KIFC3: variants seen among roughly 807,000 people sequenced by gnomAD.
KIFC3 encodes kinesin family member C3.
KIFC3 carries 60 observed loss-of-function variants against 101.8 expected under a neutral mutation model. The observed-to-expected ratio is 0.59, with a 90% CI of 0.48 to 0.73. The LOEUF is 0.73. Among genes scored for constraint, KIFC3 ranks in the 30% least tolerant of loss-of-function variants. The pLI, the probability that KIFC3 is intolerant of heterozygous loss-of-function variation, is 0.00. For missense variants in KIFC3, 966 were observed against 1,137.1 expected (o/e 0.85, Z 2.16); for synonymous variants, 476 against 482.7 (o/e 0.99, Z 0.18).
intron 1 of KIFC3, among the ~76,000 whole-genome samples, chr16:57,840,404 G>A (rs1257967478): frequency 2.0e-5 from 3 of 151,954 alleles, no homozygotes; most frequent in Admixed American, 2.0e-4. Context: ...TACTAGGAAG[G>A]ATCCTTGAGC....
intron 1 of KIFC3, among the ~76,000 whole-genome samples, chr16:57,850,666 G>C (rs769946798): frequency 4.0e-5 from 6 of 151,586 alleles, no homozygotes; most frequent in Non-Finnish European, 8.8e-5. Flanking sequence ...AGTACAGATG[G>C]GGTCTTGCCA....
intron 1 of KIFC3, among the ~76,000 whole-genome samples, chr16:57,821,422 C>T (rs1555629892): frequency 6.6e-6 from 1 of 152,218 alleles, no homozygotes; most frequent in Admixed American, 6.5e-5. Context: ...GCTTTAGCTA[C>T]AGCTACCACC....
At chr16:57,812,651 G>A (rs565143539) in intron 1 of KIFC3, among the ~76,000 whole-genome samples, 1 of 152,354 alleles carries the variant, frequency 6.6e-6, no homozygotes, top group African/African-American at 2.4e-5. Context: ...AACGGCTGGA[G>A]GTGGAGCGGG....
chr16:57,761,046 G>C lies in KIFC3; in HGVS notation c.1998C>G (p.Thr666=), dbSNP rs1383617170. 1 of 1,608,396 alleles carries C rather than the reference G, an allele frequency of 6.2e-7. No homozygotes were observed. Among genetic ancestry groups the C allele is most frequent in the African/African-American group, 1.3e-5 (1 of 74,856 alleles). Residue 666 remains threonine (T), a synonymous_variant, in exon 15 of 20, where the codon ACC becomes ACG. Transcript: ENST00000445690. ...CAGGCTGCCTGCCACTCTCACCCGT[G>C]GTGCGGAGGCCTGTGCTGCAGTCCA... ...RGVDCSTGLR[T]TGKLNLVDLA...
chr16:57,790,047 GCTTT>G (rs2053718961), intron 3 of KIFC3, among the ~76,000 whole-genome samples: 3 of 109,066 alleles, frequency 2.8e-5, no homozygotes, highest in Non-Finnish European at 6.1e-5. Context: ...ATTTTTTTTT[GCTTT>G]CTTTTTCTTT....
In KIFC3 at chr16:57,771,201, G is replaced by A; in HGVS notation, c.762C>T (p.Val254=). The A allele has an allele frequency of 6.2e-7, 1 of 1,612,306 alleles. No homozygotes were observed. Among genetic ancestry groups the A allele is most frequent in the Non-Finnish European group, 8.5e-7 (1 of 1,179,898 alleles). The change falls in exon 6 of 20, where the codon GTC becomes GTT. Residue 254 remains valine, a synonymous_variant. Coordinates refer to ENST00000445690, the MANE Select transcript of KIFC3 (RefSeq NM_001130100.2). ...GATCAGGTGGGCCAGGGCTCACCTT[G>A]ACAGGTGGGGACTGGGCCCGCAGGC... ...IASLRAQSPP[V]KYVIKTVEVE...
intron 3 of KIFC3, chr16:57,775,933 C>T (rs2052004131): frequency 1.0e-6 from 1 of 985,498 alleles, no homozygotes; most frequent in Non-Finnish European, 1.2e-6. Flanking sequence ...CAGGGGGCGT[C>T]ACCCTGCCTG....
At chr16:57,788,502 C>A in intron 3 of KIFC3, 2 of 1,217,116 alleles carry the variant, frequency 1.6e-6, no homozygotes, top group Non-Finnish European at 2.1e-6. Flanking sequence ...GGGATATCAC[C>A]AACTGCACAA....
At chr16:57,802,996 C>A, upstream of KIFC3, 1 of 1,535,902 alleles carries the variant, frequency 6.5e-7, no homozygotes, top group Non-Finnish European at 8.7e-7. The surrounding 1 kb of genome is among the most constrained non-coding windows in gnomAD (Gnocchi z 5.0). Flanking sequence ...CGTGTCCTTG[C>A]ACGCGCTGGC....
chr16:57,827,701 G>A (rs538718562), intron 1 of KIFC3, among the ~76,000 whole-genome samples: 20 of 152,252 alleles, frequency 1.3e-4, no homozygotes, highest in African/African-American at 4.3e-4. Context: ...TCCCTGGGCT[G>A]CACTCCACAA....
At chr16:57,787,545 G>A (rs1253513569) in intron 3 of KIFC3, among the ~76,000 whole-genome samples, 2 of 152,230 alleles carry the variant, frequency 1.3e-5, no homozygotes, top group Non-Finnish European at 2.9e-5. Context: ...AGGGGAGGAC[G>A]GGAGGACAAG....
At chr16:57,849,649 T>C (rs1182109403) in intron 1 of KIFC3, among the ~76,000 whole-genome samples, 3 of 152,144 alleles carry the variant, frequency 2.0e-5, no homozygotes, top group Admixed American at 6.5e-5. Flanking sequence ...ATGCCTGTAA[T>C]TCCAGCACTT....
At chr16:57,787,135 T>G (rs1187588166) in intron 3 of KIFC3, among the ~76,000 whole-genome samples, 2 of 152,218 alleles carry the variant, frequency 1.3e-5, no homozygotes, top group Non-Finnish European at 2.9e-5. Flanking sequence ...CGGGGCAGCA[T>G]GAGCAGCACG....
At chr16:57,788,615 C>T (rs1246753247) in intron 3 of KIFC3, 1 of 1,289,418 alleles carries the variant, frequency 7.8e-7, no homozygotes, top group Non-Finnish European at 1.0e-6. Flanking sequence ...CTTCCCGGGC[C>T]TCCCGGGCCC....
At chr16:57,816,537 C>T (rs530582758) in intron 1 of KIFC3, 64 of 456,672 alleles carry the variant, frequency 1.4e-4, no homozygotes, top group Admixed American at 3.1e-4. Flanking sequence ...CAAAACCACA[C>T]GGGCTGCGAG....
At position 57,772,265 on chromosome 16, in the gene KIFC3, G is replaced by T; in HGVS notation, c.339C>A (p.Leu113=). 1 of 1,613,864 alleles carries T rather than the reference G, an allele frequency of 6.2e-7. No homozygotes were observed. The highest frequency in any genetic ancestry group is 8.5e-7 in the Non-Finnish European group (1 of 1,179,886). ...GGCTCACTTCCTGGGCCTGGCTAAT[G>T]AGCTTCTCCTTCAGGTGTTCTACCT... ...TLQVEHLKEK[L]ISQAQEVSRL... Residue 113 remains leucine, a synonymous_variant, in exon 4 of 20, where the codon CTC becomes CTA. Transcript: ENST00000445690.
intron 1 of KIFC3, among the ~76,000 whole-genome samples, chr16:57,858,024 G>T (rs1391547589): frequency 1.3e-5 from 2 of 151,746 alleles, no homozygotes; most frequent in African/African-American, 2.4e-5. Context: ...CACCACGTTG[G>T]CCAGGCTGGT....
intron 1 of KIFC3, chr16:57,816,774 T>C (rs1555628939): frequency 2.2e-6 from 1 of 455,196 alleles, no homozygotes; most frequent in South Asian, 1.5e-5. Context: ...AGCCACCCCT[T>C]CCAGGCAGGA....
intron 1 of KIFC3, among the ~76,000 whole-genome samples, chr16:57,821,069 C>T (rs553571650): frequency 9.9e-5 from 15 of 151,694 alleles, no homozygotes; most frequent in African/African-American, 3.1e-4. Flanking sequence ...AGTTCGAGGC[C>T]GCAGTGAGCG....
Sources: gnomAD v4.1 joint callset for allele counts (sites outside exome capture counted in the v4.1 genomes callset) on GRCh38, gnomAD v4.1.1 for gene constraint, Gnocchi (gnomAD v3.1) non-coding constraint, MANE v1.5 for transcripts, NCBI Gene and HGNC (gene_info 2026-07-23, HGNC 2026-07-21) for gene names.